Variants in CPA6 observed in about 807,000 individuals in gnomAD.
CPA6 encodes carboxypeptidase B.
A neutral mutation model predicts 63.3 loss-of-function variants in CPA6; 58 were observed. That is an observed-to-expected ratio of 0.92 (90% CI 0.74 to 1.14). The LOEUF (loss-of-function observed/expected upper bound fraction) is 1.14, where lower values mean the gene tolerates loss of function less well. Ranked by LOEUF, CPA6 falls within the 50% of genes most tolerant of loss-of-function variation. CPA6 has a pLI of 0.00. For synonymous variants in CPA6, 185 were observed against 179.0 expected (o/e 1.03, Z -0.27); for missense variants, 565 against 526.6 (o/e 1.07, Z -0.71).
chr8:67,708,531 C>A (rs1817188927), intron 1 of CPA6, among the ~76,000 whole-genome samples: 1 of 152,120 alleles, frequency 6.6e-6, no homozygotes, highest in Admixed American at 6.5e-5. Flanking sequence ...CCAGATGATC[C>A]CCAGTAAGGG....
intron 2 of CPA6, among the ~76,000 whole-genome samples, chr8:67,600,106 T>A (rs866662735): frequency 1.3e-5 from 2 of 152,020 alleles, no homozygotes; most frequent in South Asian, 2.1e-4. Flanking sequence ...TTCCTTTTTT[T>A]AAAATTTTAT....
At chr8:67,653,285 A>G (rs1815892978) in intron 1 of CPA6, among the ~76,000 whole-genome samples, 2 of 152,130 alleles carry the variant, frequency 1.3e-5, no homozygotes, top group African/African-American at 4.8e-5. Context: ...GAAGAAAGTC[A>G]TTGGTAGCTT....
At chr8:67,476,374 C>T (rs1276345203) in intron 8 of CPA6, among the ~76,000 whole-genome samples, 1 of 152,064 alleles carries the variant, frequency 6.6e-6, no homozygotes, top group East Asian at 1.9e-4. Flanking sequence ...CAAACTCTGG[C>T]TGGGAAAGAA....
At chr8:67,585,265 T>C (rs1813896086) in intron 2 of CPA6, among the ~76,000 whole-genome samples, 1 of 152,198 alleles carries the variant, frequency 6.6e-6, no homozygotes, top group Admixed American at 6.5e-5. Flanking sequence ...ATGAGGCTAA[T>C]GATGAAGGCA....
intron 1 of CPA6, among the ~76,000 whole-genome samples, chr8:67,645,940 G>A (rs947043820): frequency 6.6e-6 from 1 of 152,112 alleles, no homozygotes; most frequent in African/African-American, 2.4e-5. Flanking sequence ...ATGCCTACCT[G>A]ACCTAGGTGC....
chr8:67,525,822 C>A (rs528024944), intron 2 of CPA6, among the ~76,000 whole-genome samples: 1 of 152,066 alleles, frequency 6.6e-6, no homozygotes, highest in South Asian at 2.1e-4. Context: ...AGCTAAATAA[C>A]GTGTACACAG....
At chr8:67,588,876 A>C (rs918608663) in intron 2 of CPA6, among the ~76,000 whole-genome samples, 1 of 152,152 alleles carries the variant, frequency 6.6e-6, no homozygotes, top group African/African-American at 2.4e-5. Context: ...GTGGTGGCTC[A>C]TGCGTGTAAT....
At chr8:67,686,894 C>G (rs537449049) in intron 1 of CPA6, among the ~76,000 whole-genome samples, 1 of 152,178 alleles carries the variant, frequency 6.6e-6, no homozygotes, top group African/African-American at 2.4e-5. Flanking sequence ...TTTATATGTT[C>G]AGCGTGGGAG....
At chr8:67,471,458 TA>T (rs535258649) in intron 8 of CPA6, among the ~76,000 whole-genome samples, 37 of 149,780 alleles carry the variant, frequency 2.5e-4, no homozygotes, top group South Asian at 1.1e-3. Flanking sequence ...TTTTTAATTG[TA>T]AAAAAAAAAT....
chr8:67,628,205 T>G (rs994642161), intron 1 of CPA6, among the ~76,000 whole-genome samples: 1 of 151,524 alleles, frequency 6.6e-6, no homozygotes, highest in Non-Finnish European at 1.5e-5. Flanking sequence ...AGAGCGAGAC[T>G]CCATCTTAAA....
intron 1 of CPA6, among the ~76,000 whole-genome samples, chr8:67,702,022 G>A (rs1251534878): frequency 1.3e-5 from 2 of 152,038 alleles, no homozygotes; most frequent in South Asian, 2.1e-4. Flanking sequence ...ACTCTCAAGT[G>A]TTTGTTAAAC....
At chr8:67,632,922 A>T (rs1815376831) in intron 1 of CPA6, among the ~76,000 whole-genome samples, 1 of 152,232 alleles carries the variant, frequency 6.6e-6, no homozygotes, top group African/African-American at 2.4e-5. Flanking sequence ...AAAGGTCTAT[A>T]TATACCTATT....
rs565431096 is a variant in CPA6 at position 67,707,872 on chromosome 8, C to G, written c.116+38142G>C. Among the ~76,000 whole-genome samples the G allele has an allele frequency of 5.6e-4, 85 of 151,424 alleles. 1 individual carries two copies. The highest frequency in any genetic ancestry group is 6.8e-3 in the Middle Eastern group (2 of 294). On this transcript the variant is annotated intron_variant, in intron 1 of 10. Coordinates refer to ENST00000297770, the MANE Select transcript of CPA6 (RefSeq NM_020361.5). Reference sequence around the variant, plus strand: ...GCAGTGGCAGTGAGCTGAGATCACACCACTGTACTCCAGCCTGGGCTACAG... The same window carrying G: ...GCAGTGGCAGTGAGCTGAGATCACAGCACTGTACTCCAGCCTGGGCTACAG...
intron 1 of CPA6, among the ~76,000 whole-genome samples, chr8:67,681,197 TTTC>T (rs1216297963): frequency 1.7e-5 from 2 of 117,226 alleles, no homozygotes; most frequent in Non-Finnish European, 3.3e-5. Flanking sequence ...TCACAAAGAT[TTTC>T]TTTTTTTTTT....
At chr8:67,683,372 T>G (rs1816640299) in intron 1 of CPA6, among the ~76,000 whole-genome samples, 1 of 152,196 alleles carries the variant, frequency 6.6e-6, no homozygotes, top group African/African-American at 2.4e-5. Flanking sequence ...TACTGGAATT[T>G]TTTCTATCTA....
intron 6 of CPA6, among the ~76,000 whole-genome samples, chr8:67,500,282 A>C (rs1811805180): frequency 6.6e-6 from 1 of 151,982 alleles, no homozygotes; most frequent in Non-Finnish European, 1.5e-5. Context: ...TGTGGCTTTA[A>C]TTTTCCCAAC....
intron 2 of CPA6, among the ~76,000 whole-genome samples, chr8:67,549,772 A>T (rs1812900364): frequency 6.6e-6 from 1 of 152,206 alleles, no homozygotes; most frequent in South Asian, 2.1e-4. Flanking sequence ...CACTTAGCAT[A>T]ATGTCCTCAG....
chr8:67,615,443 G>A (rs1267161577), intron 2 of CPA6, among the ~76,000 whole-genome samples: 3 of 152,050 alleles, frequency 2.0e-5, no homozygotes, highest in South Asian at 2.1e-4. Context: ...ATTTAACAAA[G>A]CACAAATCAT....
rs1817719810 is a variant in CPA6, at chr8:67,732,258, G to C, written c.116+13756C>G. Among the ~76,000 whole-genome samples, 3 of 152,180 alleles carry C rather than the reference G, an allele frequency of 2.0e-5. 1 individual carries two copies. The highest frequency in any genetic ancestry group is 7.2e-5 in the African/African-American group (3 of 41,446). On this transcript the variant is annotated intron_variant, in intron 1 of 10. Transcript: ENST00000297770. ...AGCTGTGGGATCCCCACATTCCTCCGAAAGCCGTAAGGGCAAATGGTTCCT... is the reference window on the plus strand; with the variant it reads ...AGCTGTGGGATCCCCACATTCCTCCCAAAGCCGTAAGGGCAAATGGTTCCT...
Sources: gnomAD v4.1 joint callset for allele counts (sites outside exome capture counted in the v4.1 genomes callset) on GRCh38, gnomAD v4.1.1 for gene constraint, MANE v1.5 for transcripts, NCBI Gene and HGNC (gene_info 2026-07-23, HGNC 2026-07-21) for gene names.